Variants in ARHGEF10 observed in about 807,000 individuals in gnomAD.
The protein encoded by ARHGEF10 is Rho guanine nucleotide exchange factor (GEF) 10.
In ARHGEF10, 140 loss-of-function variants were observed where a neutral mutation model predicts 147.4. The observed-to-expected ratio is 0.95, with a 90% CI of 0.83 to 1.09. The LOEUF (loss-of-function observed/expected upper bound fraction) is 1.09, where lower values mean the gene tolerates loss of function less well. Ranked by LOEUF, ARHGEF10 falls within the 50% of genes least tolerant of loss-of-function variation. The pLI, the probability that ARHGEF10 is intolerant of heterozygous loss-of-function variation, is 0.00. For synonymous variants in ARHGEF10, 902 were observed against 695.8 expected, an observed-to-expected ratio of 1.30 and a Z score of -4.67; for missense variants, 2,222 against 1,752.7, an observed-to-expected ratio of 1.27 and a Z score of -4.78.
chr8:1,925,254 T>G, intron 21 of ARHGEF10, 29 bp from the exon 22 acceptor site: 1 of 1,614,088 alleles, frequency 6.2e-7, no homozygotes, highest in Non-Finnish European at 8.5e-7. Flanking sequence ...ACTGCATTCT[T>G]GCTCATTTCT....
chr8:1,890,462 G>GGGT (rs1809417651), intron 11 of ARHGEF10, among the ~76,000 whole-genome samples: 1 of 150,178 alleles, frequency 6.7e-6, no homozygotes, highest in South Asian at 2.1e-4. Flanking sequence ...AGTGGGGTGA[G>GGGT]TGTTGTGAGG....
At chr8:1,898,928 G>A (rs1045017662) in intron 15 of ARHGEF10, among the ~76,000 whole-genome samples, 18 of 152,174 alleles carry the variant, frequency 1.2e-4, no homozygotes, top group Non-Finnish European at 2.2e-4. Flanking sequence ...AATGATTCTC[G>A]CCTCTGTGCC....
At chr8:1,940,232 C>G (rs1056231566) in intron 26 of ARHGEF10, among the ~76,000 whole-genome samples, 2 of 152,204 alleles carry the variant, frequency 1.3e-5, no homozygotes, top group African/African-American at 4.8e-5. Context: ...TTAAAATCCT[C>G]TCTATGGAAG....
intron 1 of ARHGEF10, among the ~76,000 whole-genome samples, chr8:1,842,572 G>A (rs924262196): frequency 2.6e-5 from 4 of 152,374 alleles, no homozygotes; most frequent in South Asian, 2.1e-4. Context: ...TGCGGCGAGG[G>A]CCTGGAGCTG....
At chr8:1,848,221 G>A (rs1804706062) in intron 2 of ARHGEF10, among the ~76,000 whole-genome samples, 3 of 152,208 alleles carry the variant, frequency 2.0e-5, no homozygotes, top group South Asian at 2.1e-4. Flanking sequence ...AGAGGTACGC[G>A]GGGTCCTCCG....
At position 1,881,187 on chromosome 8, in the gene ARHGEF10, C is replaced by G. The variant is rs377234481; in HGVS notation, c.960+1023C>G. On this transcript the variant is annotated intron_variant, in intron 9 of 28. Transcript: ENST00000349830. ...GGCAGCCAGGGCTGGGCCCAGCACG[C>G]TCGCTTCCCCTGGTGAGAACACCCC... Among the ~76,000 whole-genome samples, 16 of 152,230 alleles carry G rather than the reference C, an allele frequency of 1.1e-4. No individual in the cohort carries two copies. The South Asian group carries it at 2.1e-3, about 20-fold the overall frequency.
At chr8:1,936,735 T>C (rs1395556172) in intron 26 of ARHGEF10, among the ~76,000 whole-genome samples, 1 of 152,248 alleles carries the variant, frequency 6.6e-6, no homozygotes. Context: ...TTAAGACATT[T>C]TGCTGACATT....
At chr8:1,870,370 A>G (rs1807011697) in intron 7 of ARHGEF10, 1 of 152,136 alleles carries the variant, frequency 6.6e-6, no homozygotes, top group Admixed American at 6.5e-5. Context: ...AATGCAAGAA[A>G]ATATAAAATA....
At chr8:1,827,072 GCAGA>G (rs1802812699) in intron 1 of ARHGEF10, among the ~76,000 whole-genome samples, 1 of 152,198 alleles carries the variant, frequency 6.6e-6, no homozygotes, top group Non-Finnish European at 1.5e-5. Context: ...TGCCTGGGTG[GCAGA>G]CAGGGCCACA....
chr8:1,946,159 G>A (rs1169160200), intron 27 of ARHGEF10, among the ~76,000 whole-genome samples: 1 of 152,170 alleles, frequency 6.6e-6, no homozygotes, highest in East Asian at 1.9e-4. Context: ...AGTTTTGGGA[G>A]GATCATCCTA....
rs776286696 is a variant in ARHGEF10 at position 1,858,167 on chromosome 8, A to AGGTGG, written c.193+53_193+54insGTGGG. On this transcript the variant is annotated intron_variant, in intron 3 of 28. Transcript: ENST00000349830. ...GAGTCCCCAGGTGGGTCCCCAGGTG[A>AGGTGG]GTCCCCAGGTGGGTCCCCATGTGAG... is the stretch of plus-strand genomic sequence containing the variant. 0.033 allele frequency: 41,878 copies of AGGTGG among 1,256,130 alleles called. 1,424 individuals are homozygous for AGGTGG. Among genetic ancestry groups the AGGTGG allele is most frequent in the African/African-American group, 0.081 (3,665 of 45,204 alleles). 77.8% of individuals were successfully genotyped at this position (1,256,130 alleles called of 1,614,324 possible).
chr8:1,862,230 C>T (rs779499716), intron 4 of ARHGEF10, among the ~76,000 whole-genome samples: 13 of 152,226 alleles, frequency 8.5e-5, no homozygotes, highest in African/African-American at 3.1e-4. Context: ...CTCCCTGGGG[C>T]GGGGCGGCCG....
chr8:1,837,728 C>T lies in ARHGEF10; in HGVS notation c.-47-5625C>T, dbSNP rs888771817. Among the ~76,000 whole-genome samples, 15 of 152,162 alleles carry T rather than the reference C, an allele frequency of 9.9e-5. No homozygotes were observed. In the East Asian group the frequency reaches 1.9e-3, roughly 20 times the overall value. On this transcript the variant is annotated intron_variant, in intron 1 of 28. Coordinates refer to ENST00000349830, the MANE Select transcript of ARHGEF10 (RefSeq NM_014629.4). ...TTGCTCACCACCTTTGAGAACAGAG[C>T]GTGGGTTACCAGGGGAGGGCGCTGA... is the stretch of plus-strand genomic sequence containing the variant.
chr8:1,838,218 G>A (rs572340211), intron 1 of ARHGEF10, among the ~76,000 whole-genome samples: 2 of 152,366 alleles, frequency 1.3e-5, no homozygotes, highest in Non-Finnish European at 2.9e-5. Context: ...CGATCCTGAT[G>A]CGTGAGGTGG....
chr8:1,878,450 G>A (rs937918354), intron 8 of ARHGEF10, among the ~76,000 whole-genome samples: 12 of 152,196 alleles, frequency 7.9e-5, no homozygotes, highest in African/African-American at 2.9e-4. Context: ...CCTCCAAAGT[G>A]CTGGGATTAC....
rs540366813 is a variant in ARHGEF10, at chr8:1,888,744, A to G, written c.1182+3037A>G. Among the ~76,000 whole-genome samples the G allele has an allele frequency of 2.7e-4, 18 of 67,070 alleles. 3 individuals carry two copies. The highest frequency in any genetic ancestry group is 1.4e-4 in the African/African-American group (2 of 14,288). The allele number at this position is 67,070 out of a possible 152,430, so 44.0% of individuals were successfully genotyped here. ...TGAATAGGGTGAGGTTTGTGAGGAG[A>G]CACTGAATAGGGTGAGGTTTGTGAG... On this transcript the variant is annotated intron_variant, in intron 11 of 28. Coordinates refer to ENST00000349830, the MANE Select transcript of ARHGEF10 (RefSeq NM_014629.4).
chr8:1,908,452 T>G (rs528755259), intron 17 of ARHGEF10, among the ~76,000 whole-genome samples: 2 of 152,154 alleles, frequency 1.3e-5, no homozygotes, highest in Non-Finnish European at 2.9e-5. Flanking sequence ...CAGGATGGTC[T>G]CAATCTCCTG....
chr8:1,898,028 T>G (rs1701899479), intron 14 of ARHGEF10, among the ~76,000 whole-genome samples: 1 of 152,128 alleles, frequency 6.6e-6, no homozygotes. Flanking sequence ...ATGGCCCCAC[T>G]GCACATCCCT....
chr8:1,902,675 C>G (rs1810563573), intron 15 of ARHGEF10, among the ~76,000 whole-genome samples: 1 of 152,164 alleles, frequency 6.6e-6, no homozygotes, highest in Non-Finnish European at 1.5e-5. Context: ...AGCCACTGCC[C>G]AGCGGCCACA....
Sources: allele counts gnomAD v4.1 joint callset (sites outside exome capture counted in the v4.1 genomes callset), GRCh38; gene constraint gnomAD v4.1.1; transcripts MANE v1.5; gene names NCBI Gene and HGNC (gene_info 2026-07-23, HGNC 2026-07-21).